CNTN5: variants seen among roughly 807,000 people sequenced by gnomAD.
The protein encoded by CNTN5 is contactin 5.
In CNTN5, 77 loss-of-function variants were observed where a neutral mutation model predicts 129.1. That is an observed-to-expected ratio of 0.60 (90% confidence interval 0.50 to 0.72). The LOEUF (loss-of-function observed/expected upper bound fraction) is 0.72, where lower values mean the gene tolerates loss of function less well. CNTN5 is among the 30% of genes least tolerant of loss of function. The pLI is 0.00. For missense variants in CNTN5, 1,478 were observed against 1,328.8 expected (o/e 1.11, Z -1.75); for synonymous variants, 509 against 465.6 (o/e 1.09, Z -1.20).
intron 18 of CNTN5, among the ~76,000 whole-genome samples, chr11:100,286,339 C>T (rs1950790978): frequency 1.3e-5 from 2 of 152,078 alleles, no homozygotes; most frequent in African/African-American, 4.8e-5. Flanking sequence ...GGAACCTCTG[C>T]AGACTTAAAT....
At position 99,292,871 on chromosome 11, in the gene CNTN5, C is replaced by A. The variant is rs531765661; in HGVS notation, c.-209-32475C>A. Among the ~76,000 whole-genome samples, 132 of 152,216 alleles carry A rather than the reference C, an allele frequency of 8.7e-4. 1 individual carries two copies. Among genetic ancestry groups the A allele is most frequent in the African/African-American group, 3.1e-3 (128 of 41,542 alleles). ...CATCTACACACATTAAATGGACCAG[C>A]CACTTCTCTACATTGGGCCTTTATC... On this transcript the variant is annotated intron_variant, in intron 1 of 24. Transcript: ENST00000524871.
chr11:99,335,601 AGC>A (rs1866187045), intron 2 of CNTN5, among the ~76,000 whole-genome samples: 1 of 152,100 alleles, frequency 6.6e-6, no homozygotes, highest in African/African-American at 2.4e-5. Context: ...AAGTATATGG[AGC>A]TTCATCTTGC....
At chr11:99,142,133 A>G (rs539346646) in intron 1 of CNTN5, among the ~76,000 whole-genome samples, 1 of 152,196 alleles carries the variant, frequency 6.6e-6, no homozygotes, top group East Asian at 1.9e-4. Flanking sequence ...GCAGGCTGGG[A>G]CCAGGCCCAC....
chr11:99,951,953 T>C (rs150411055), intron 7 of CNTN5, among the ~76,000 whole-genome samples: 2 of 152,316 alleles, frequency 1.3e-5, no homozygotes, highest in Non-Finnish European at 2.9e-5. Flanking sequence ...ATTCACCAAA[T>C]ATTTATGGAG....
intron 2 of CNTN5, among the ~76,000 whole-genome samples, chr11:99,342,723 C>A (rs1866577726): frequency 6.6e-6 from 1 of 150,710 alleles, no homozygotes; most frequent in South Asian, 2.1e-4. Flanking sequence ...AGAGGGAAAG[C>A]TTATCTGAAA....
intron 1 of CNTN5, among the ~76,000 whole-genome samples, chr11:99,091,554 G>A (rs533534766): frequency 5.1e-4 from 77 of 152,340 alleles, no homozygotes; most frequent in Admixed American, 2.5e-3. Flanking sequence ...CACTTGGGAG[G>A]AGCTGGAATC....
chr11:99,083,534 T>C (rs2135290731), intron 1 of CNTN5, among the ~76,000 whole-genome samples: 1 of 152,322 alleles, frequency 6.6e-6, no homozygotes, highest in South Asian at 2.1e-4. Flanking sequence ...GTGTATAATA[T>C]TGATTCTTTC....
intron 3 of CNTN5, among the ~76,000 whole-genome samples, chr11:99,793,217 G>A (rs993868905): frequency 1.3e-5 from 2 of 151,884 alleles, no homozygotes; most frequent in Non-Finnish European, 2.9e-5. Context: ...CTGCCACCAC[G>A]CCCAACTAAT....
chr11:99,943,320 C>T (rs1051541472), intron 7 of CNTN5, among the ~76,000 whole-genome samples: 3 of 151,886 alleles, frequency 2.0e-5, no homozygotes, highest in Non-Finnish European at 4.4e-5. Flanking sequence ...GTTTGTTGGC[C>T]GCATAAATGT....
intron 1 of CNTN5, among the ~76,000 whole-genome samples, chr11:99,285,287 T>G (rs1353246063): frequency 2.0e-5 from 3 of 152,136 alleles, no homozygotes. Context: ...TTTATTTTAC[T>G]TCCTTTAGTG....
intron 1 of CNTN5, among the ~76,000 whole-genome samples, chr11:99,173,047 C>A (rs1857608353): frequency 6.6e-6 from 1 of 152,132 alleles, no homozygotes; most frequent in Non-Finnish European, 1.5e-5. Flanking sequence ...TTATGCAGGG[C>A]AACTCCCATT....
intron 2 of CNTN5, among the ~76,000 whole-genome samples, chr11:99,382,105 A>T (rs542192453): frequency 6.6e-6 from 1 of 152,298 alleles, no homozygotes; most frequent in South Asian, 2.1e-4. Context: ...CATCCTTGGT[A>T]TGAGAGTACA....
chr11:99,151,260 T>C (rs1282313526), intron 1 of CNTN5, among the ~76,000 whole-genome samples: 4 of 152,098 alleles, frequency 2.6e-5, no homozygotes, highest in Admixed American at 1.3e-4. Flanking sequence ...GTTAGGCATG[T>C]CATGTGTGTG....
intron 13 of CNTN5, among the ~76,000 whole-genome samples, chr11:100,124,657 G>A (rs973732508): frequency 3.3e-5 from 5 of 151,990 alleles, no homozygotes; most frequent in African/African-American, 1.2e-4. Context: ...GTAGTGCTCA[G>A]CATACTATCC....
At chr11:99,169,733 A>T (rs1265823133) in intron 1 of CNTN5, among the ~76,000 whole-genome samples, 1 of 152,218 alleles carries the variant, frequency 6.6e-6, no homozygotes, top group Admixed American at 6.5e-5. Context: ...GATTAAACTC[A>T]TAGTTTTATA....
At chr11:99,330,736 T>A (rs1038914561) in intron 2 of CNTN5, among the ~76,000 whole-genome samples, 16 of 152,082 alleles carry the variant, frequency 1.1e-4, no homozygotes, top group Non-Finnish European at 2.1e-4. Context: ...TTATCTAGAG[T>A]TCTGCAATGA....
chr11:99,832,399 C>G (rs144831226), intron 4 of CNTN5, among the ~76,000 whole-genome samples: 1 of 152,226 alleles, frequency 6.6e-6, no homozygotes, highest in Non-Finnish European at 1.5e-5. Context: ...TCTGACCTCT[C>G]TTTTATATCT....
intron 1 of CNTN5, among the ~76,000 whole-genome samples, chr11:99,177,000 C>T (rs1266292770): frequency 6.6e-6 from 1 of 152,206 alleles, no homozygotes; most frequent in Non-Finnish European, 1.5e-5. Context: ...TTGGTCAACT[C>T]TGACCTTCCC....
intron 2 of CNTN5, among the ~76,000 whole-genome samples, chr11:99,422,550 A>C (rs1942948318): frequency 8.6e-6 from 1 of 116,776 alleles, no homozygotes; most frequent in Non-Finnish European, 1.8e-5. Context: ...ATATATATAT[A>C]TATATATATA....
Sources: allele counts gnomAD v4.1 joint callset (sites outside exome capture counted in the v4.1 genomes callset), GRCh38; gene constraint gnomAD v4.1.1; transcripts MANE v1.5; gene names NCBI Gene and HGNC (gene_info 2026-07-23, HGNC 2026-07-21).